The following RBFOX1 variants were observed in gnomAD, a reference collection of about 807,000 sequenced individuals.
The protein encoded by RBFOX1 is RNA binding protein fox-1 homolog 1.
RBFOX1 carries 8 observed loss-of-function variants against 57.7 expected under a neutral mutation model. The ratio of observed to expected loss-of-function variants is 0.14; its 90% CI spans 0.08 to 0.25. The LOEUF (loss-of-function observed/expected upper bound fraction) is 0.25. Ranked by LOEUF, RBFOX1 falls within the 10% of genes least tolerant of loss-of-function variation. The pLI is 1.00. For synonymous variants in RBFOX1, 326 were observed against 222.4 expected (o/e 1.47, Z -4.15); for missense variants, 611 against 548.5 (o/e 1.11, Z -1.14).
Position 5,521,562 on chromosome 16 carries a change from G to C in RBFOX1, c.258+54308G>C, listed in dbSNP as rs572548229. Among the ~76,000 whole-genome samples the C allele has an allele frequency of 1.6e-3, 242 of 152,252 alleles. 2 individuals are homozygous for C. The highest frequency in any genetic ancestry group is 2.5e-4 in the Non-Finnish European group (17 of 68,020). ...TCAGTGAGTGAGGCCGCCATGATTG[G>C]CCTCTGCAGATGAGAATTTCCCAGA... is the stretch of plus-strand genomic sequence containing the variant. On this transcript the variant is annotated intron_variant, in intron 2 of 2. Transcript: ENST00000585867.
intron 2 of RBFOX1, among the ~76,000 whole-genome samples, chr16:6,500,732 C>G (rs989226432): frequency 2.0e-5 from 3 of 152,100 alleles, no homozygotes; most frequent in African/African-American, 7.2e-5. Context: ...TTGACAACAT[C>G]TTGACTGCAT....
At chr16:5,447,520 C>G (rs1567523856) in intron 1 of RBFOX1, among the ~76,000 whole-genome samples, 2 of 152,118 alleles carry the variant, frequency 1.3e-5, no homozygotes, top group South Asian at 4.1e-4. Flanking sequence ...GCCTCAGCCT[C>G]CCGAATAGCT....
chr16:6,866,016 C>T (rs115782268), intron 3 of RBFOX1, among the ~76,000 whole-genome samples: 2 of 151,978 alleles, frequency 1.3e-5, no homozygotes, highest in Admixed American at 1.3e-4. Context: ...GTAATATTGG[C>T]TAGCACATCT....
intron 2 of RBFOX1, among the ~76,000 whole-genome samples, chr16:5,481,742 G>C (rs756874112): frequency 5.9e-5 from 9 of 152,146 alleles, no homozygotes; most frequent in Non-Finnish European, 1.2e-4. Context: ...CCATCATTCT[G>C]GAGGCTGCGA....
At chr16:7,644,019 T>C (rs1310172467) in intron 11 of RBFOX1, among the ~76,000 whole-genome samples, 5 of 152,294 alleles carry the variant, frequency 3.3e-5, no homozygotes, top group East Asian at 3.9e-4. Context: ...AGGGAGATGA[T>C]GTAGCAGCTT....
intron 4 of RBFOX1, among the ~76,000 whole-genome samples, chr16:7,307,708 T>G (rs2096223238): frequency 6.6e-6 from 1 of 152,178 alleles, no homozygotes; most frequent in Non-Finnish European, 1.5e-5. Flanking sequence ...AGTGATGTAC[T>G]CACATAGGAA....
intron 3 of RBFOX1, among the ~76,000 whole-genome samples, chr16:6,986,129 T>C (rs1242012474): frequency 6.7e-6 from 1 of 148,804 alleles, no homozygotes; most frequent in Non-Finnish European, 1.5e-5. Context: ...CATGAAAAAA[T>C]GTAAGACTTG....
intron 1 of RBFOX1, among the ~76,000 whole-genome samples, chr16:6,308,515 G>T (rs2079821756): frequency 6.6e-6 from 1 of 152,208 alleles, no homozygotes; most frequent in African/African-American, 2.4e-5. Context: ...CTAGTTTGCT[G>T]AGTGACAGGG....
intron 4 of RBFOX1, among the ~76,000 whole-genome samples, chr16:7,449,411 G>C (rs2098833696): frequency 6.6e-6 from 1 of 152,116 alleles, no homozygotes; most frequent in Non-Finnish European, 1.5e-5. Context: ...AATTCAGAAT[G>C]AATAGAAAAC....
chr16:6,823,643 C>T (rs528676406), intron 3 of RBFOX1, among the ~76,000 whole-genome samples: 29 of 152,120 alleles, frequency 1.9e-4, no homozygotes, highest in Non-Finnish European at 3.2e-4. Context: ...TTTGAATCTC[C>T]CTATTCTTGA....
rs12446831 is a variant in RBFOX1, at chr16:5,883,651, T to C, written c.351+16316T>C. Among the ~76,000 whole-genome samples the C allele has an allele frequency of 4.1e-3, 621 of 152,312 alleles. 10 individuals are homozygous for C. Among genetic ancestry groups the C allele is most frequent in the Middle Eastern group, 0.014 (4 of 294 alleles). The stretch of plus-strand genomic sequence containing the variant: ...AGAGCATGCTTGAGGCTCTGTCTAA[T>C]AAGCCTGGTGTCTTCAGCTAACGAC... On this transcript the variant is annotated intron_variant, in intron 4 of 19. Coordinates refer to the RBFOX1 transcript ENST00000641259.
At chr16:6,992,016 C>T (rs1315630357) in intron 3 of RBFOX1, among the ~76,000 whole-genome samples, 1 of 151,966 alleles carries the variant, frequency 6.6e-6, no homozygotes, top group Non-Finnish European at 1.5e-5. Flanking sequence ...GAAAACTACA[C>T]CTTGAAAACT....
chr16:5,956,836 AT>A lies in RBFOX1; in HGVS notation c.351+89516del, dbSNP rs200469523. On this transcript the variant is annotated intron_variant, in intron 4 of 19. Transcript: ENST00000641259. Reference sequence around the variant, plus strand: ...AAGCATGCACCACCATGCCTGGCTAATTTTTTTTTTTTTTTATAGAGATGGG... The same window carrying A: ...AAGCATGCACCACCATGCCTGGCTAATTTTTTTTTTTTTTATAGAGATGGG... 7.1e-3 allele frequency among the ~76,000 whole-genome samples: 983 copies of A among 138,458 alleles called. 8 individuals carry two copies. Among genetic ancestry groups the A allele is most frequent in the African/African-American group, 0.016 (594 of 37,624 alleles). The allele number at this position is 138,458 out of a possible 152,430, so 90.8% of individuals were successfully genotyped here. A position where few individuals can be genotyped will look rare whatever the true frequency, so the allele number is the denominator to read the frequency against.
chr16:6,760,784 TCA>T (rs1471373358), intron 3 of RBFOX1, among the ~76,000 whole-genome samples: 2 of 152,180 alleles, frequency 1.3e-5, no homozygotes, highest in African/African-American at 4.8e-5. Context: ...GTCACGTATT[TCA>T]CACAGAGTAG....
chr16:7,341,874 C>G (rs1200547850), intron 4 of RBFOX1, among the ~76,000 whole-genome samples: 1 of 151,382 alleles, frequency 6.6e-6, no homozygotes, highest in Non-Finnish European at 1.5e-5. Flanking sequence ...CCCCGGCCCC[C>G]TTCCCACCTT....
chr16:7,656,781 T>C (rs1353918107), intron 12 of RBFOX1, among the ~76,000 whole-genome samples: 1 of 152,078 alleles, frequency 6.6e-6, no homozygotes, highest in African/African-American at 2.4e-5. Flanking sequence ...AAGCCAACAA[T>C]TTCAATAAAT....
intron 2 of RBFOX1, among the ~76,000 whole-genome samples, chr16:6,323,220 G>A (rs142402691): frequency 1.3e-5 from 2 of 152,350 alleles, no homozygotes; most frequent in African/African-American, 2.4e-5. Flanking sequence ...AAGAATGGAA[G>A]TTACAAGGAA....
At chr16:5,447,273 C>G (rs2068271346) in intron 1 of RBFOX1, among the ~76,000 whole-genome samples, 1 of 152,102 alleles carries the variant, frequency 6.6e-6, no homozygotes, top group East Asian at 1.9e-4. Flanking sequence ...GGCATGAGGT[C>G]AAATCCTGGC....
At chr16:6,633,164 C>G (rs1455215106) in intron 2 of RBFOX1, among the ~76,000 whole-genome samples, 1 of 152,182 alleles carries the variant, frequency 6.6e-6, no homozygotes, top group Non-Finnish European at 1.5e-5. Flanking sequence ...GCGTGGGGAT[C>G]TTAGCAGGGC....
Sources: allele counts gnomAD v4.1 joint callset (sites outside exome capture counted in the v4.1 genomes callset), GRCh38; gene constraint gnomAD v4.1.1; transcripts MANE v1.5; gene names NCBI Gene and HGNC (gene_info 2026-07-23, HGNC 2026-07-21).